Variants in SH3TC2 observed in about 807,000 individuals in gnomAD.
SH3TC2 encodes the protein SH3 domain and tetratricopeptide repeat-containing protein 2.
SH3TC2 carries 87 observed loss-of-function variants against 124.5 expected under a neutral mutation model. That is an observed-to-expected ratio of 0.70 (90% CI 0.59 to 0.84). The LOEUF (loss-of-function observed/expected upper bound fraction) is 0.84. Among genes scored for constraint, SH3TC2 ranks in the 40% least tolerant of loss-of-function variants. SH3TC2 has a pLI of 0.00. For missense variants in SH3TC2, 1,536 were observed against 1,566.4 expected (o/e 0.98, Z 0.33); for synonymous variants, 634 against 628.5 (o/e 1.01, Z -0.13).
chr5:149,001,198 A>T lies in SH3TC2; in HGVS notation c.*3513T>A, dbSNP rs1341973909. On this transcript the variant is annotated 3_prime_UTR_variant, in exon 17 of 17. Coordinates refer to ENST00000515425, the MANE Select transcript of SH3TC2 (RefSeq NM_024577.4). ...CACACACACATACATATATATACAC[A>T]TGCACAATATAAAGGCATCTTAAAA... is the stretch of plus-strand genomic sequence containing the variant. The T allele has an allele frequency of 6.6e-6, 1 of 152,216 alleles. No homozygotes were observed. Among genetic ancestry groups the T allele is most frequent in the Non-Finnish European group, 1.5e-5 (1 of 68,036 alleles). 9.4% of individuals were successfully genotyped at this position (152,216 alleles called of 1,614,324 possible). A position where few individuals can be genotyped will look rare whatever the true frequency, so the allele number is the denominator to read the frequency against.
chr5:149,008,911 C>T lies in SH3TC2; in HGVS notation c.3418G>A (p.Glu1140Lys), dbSNP rs567467816. 9.3e-6 allele frequency: 15 copies of T among 1,614,190 alleles called. No homozygotes were observed. Among genetic ancestry groups the T allele is most frequent in the Middle Eastern group, 1.7e-4 (1 of 6,060 alleles). ...NKLTELQISL[E>K]GYEKALEFAT... ...AATTCCAAAGCCTTCTCATAGCCTT[C>T]GAGGCTAATCTGCAGCTCTGTCAGC... The change falls in exon 15 of 17, where the codon GAA becomes AAA. Residue 1140 changes from glutamate (E) to lysine (K), a missense_variant. By Grantham distance (56) the Glu-to-Lys change is moderately conservative (BLOSUM62 1). Transcript: ENST00000515425.
chr5:149,055,241 C>T (rs1754626866), intron 1 of SH3TC2, among the ~76,000 whole-genome samples: 1 of 151,954 alleles, frequency 6.6e-6, no homozygotes, highest in African/African-American at 2.4e-5. Context: ...AAGCAAGTGA[C>T]AGAGTACAAG....
rs1753294487 is a variant in SH3TC2 at position 148,983,995 on chromosome 5, A to C, written c.*20716T>G. 6.6e-6 allele frequency among the ~76,000 whole-genome samples: 1 copy of C among 152,216 alleles called. No homozygotes were observed. The highest frequency in any genetic ancestry group is 6.5e-5 in the Admixed American group (1 of 15,280). On this transcript the variant is annotated 3_prime_UTR_variant, in exon 17 of 17. Transcript: ENST00000515425. Reference sequence around the variant, plus strand: ...CCAATACATTTTTTTAAAATTACTTAAGCCAGTTTGAGTTTCACCTTCTGT... The same window carrying C: ...CCAATACATTTTTTTAAAATTACTTCAGCCAGTTTGAGTTTCACCTTCTGT...
At chr5:149,032,944 C>T (rs1196406678) in intron 8 of SH3TC2, among the ~76,000 whole-genome samples, 1 of 152,172 alleles carries the variant, frequency 6.6e-6, no homozygotes, top group African/African-American at 2.4e-5. Flanking sequence ...TAATTGAAAT[C>T]TACAACTAAA....
chr5:149,010,830 C>T (rs1489219748), intron 13 of SH3TC2, among the ~76,000 whole-genome samples: 1 of 152,092 alleles, frequency 6.6e-6, no homozygotes, highest in African/African-American at 2.4e-5. Flanking sequence ...ATGTATATAG[C>T]AAAACTATGA....
rs753867645 is a variant in SH3TC2 at position 149,016,924 on chromosome 5, C to CAA, written c.3054-4192_3054-4191dup. On this transcript the variant is annotated intron_variant, in intron 12 of 16. Transcript: ENST00000515425. ...TGGGTAACAGGGCGAGACTCCGTCT[C>CAA]AAAAAAAAAAAAAAAAAAAGAATAA... 7.4e-4 allele frequency among the ~76,000 whole-genome samples: 69 copies of CAA among 92,904 alleles called. 1 individual carries two copies. Among genetic ancestry groups the CAA allele is most frequent in the African/African-American group, 2.4e-3 (60 of 24,966 alleles). 60.9% of individuals were successfully genotyped at this position (92,904 alleles called of 152,430 possible).
intron 16 of SH3TC2, among the ~76,000 whole-genome samples, chr5:149,005,406 T>C (rs1753670681): frequency 6.6e-6 from 1 of 152,210 alleles, no homozygotes; most frequent in African/African-American, 2.4e-5. Flanking sequence ...TGATGATGAT[T>C]GAGAAACAGG....
chr5:149,044,654 A>G lies in SH3TC2; in HGVS notation c.280-16T>C. ...CTGAGAGGTCCTACGTAAAGGAAAC[A>G]ATGAGTCAGCCTGGGATGACAGAAG... On this transcript the variant is annotated splice_polypyrimidine_tract_variant and intron_variant, in intron 3 of 16. Coordinates refer to ENST00000515425, the MANE Select transcript of SH3TC2 (RefSeq NM_024577.4). 1 of 1,598,652 alleles carries G rather than the reference A, an allele frequency of 6.3e-7. No homozygotes were observed. Among genetic ancestry groups the G allele is most frequent in the South Asian group, 1.1e-5 (1 of 90,754 alleles).
rs576603552 is a variant in SH3TC2 at position 149,025,336 on chromosome 5, G to C, written c.3053+1236C>G. On this transcript the variant is annotated intron_variant, in intron 12 of 16. Coordinates refer to ENST00000515425, the MANE Select transcript of SH3TC2 (RefSeq NM_024577.4). ...AAGACAGACTGGAAGAGAAAGAGAA[G>C]GGGGAGTGGAATTCATTATCTGATT... Among the ~76,000 whole-genome samples the C allele has an allele frequency of 6.6e-5, 10 of 152,294 alleles. No individual in the cohort carries two copies. In the East Asian group the frequency reaches 1.9e-3, roughly 29 times the overall value.
At chr5:149,054,574 C>G (rs973549964) in intron 1 of SH3TC2, among the ~76,000 whole-genome samples, 1 of 152,128 alleles carries the variant, frequency 6.6e-6, no homozygotes, top group African/African-American at 2.4e-5. Flanking sequence ...TTTTCTGGCC[C>G]ACACAGTGAA....
rs36077 is a variant in SH3TC2, at chr5:149,052,401, G to A, written c.53-161C>T. Reference sequence around the variant, plus strand: ...CCATTGCCTTGTAATTATCTAAGCTGTTATCAAAGAACTGTCATACATGCC... The same window carrying A: ...CCATTGCCTTGTAATTATCTAAGCTATTATCAAAGAACTGTCATACATGCC... On this transcript the variant is annotated intron_variant, in intron 1 of 16. Transcript: ENST00000515425. Among the ~76,000 whole-genome samples, 79,463 of 152,088 alleles carry A rather than the reference G, an allele frequency of 0.52. 21,900 individuals carry two copies. Among genetic ancestry groups the A allele is most frequent in the African/African-American group, 0.69 (28,684 of 41,500 alleles).
At chr5:149,033,974 C>T (rs1159299704) in intron 8 of SH3TC2, among the ~76,000 whole-genome samples, 1 of 151,876 alleles carries the variant, frequency 6.6e-6, no homozygotes, top group Admixed American at 6.6e-5. Flanking sequence ...AAATACAAAC[C>T]ATGCAATAAA....
chr5:149,060,062 T>C (rs1233033254), intron 1 of SH3TC2, among the ~76,000 whole-genome samples: 1 of 152,212 alleles, frequency 6.6e-6, no homozygotes, highest in Non-Finnish European at 1.5e-5. Context: ...CCTGTTATTA[T>C]ACTGATGATT....
intron 16 of SH3TC2, chr5:149,006,387 A>T: frequency 5.5e-6 from 1 of 181,624 alleles, no homozygotes; most frequent in Non-Finnish European, 1.2e-5. Context: ...CAAACATGTT[A>T]ATATGCACCC....
intron 8 of SH3TC2, among the ~76,000 whole-genome samples, chr5:149,032,004 C>T (rs1463425944): frequency 6.6e-6 from 1 of 152,270 alleles, no homozygotes; most frequent in East Asian, 1.9e-4. Context: ...TCTACCCATT[C>T]TTTGAGACAC....
rs535181061 is a variant in SH3TC2, at chr5:148,988,441, C to T, written c.*16270G>A. ...TAGCAGATGTGACACTGTGTGACTT[C>T]TGAGGCCAGGTCATAGGAAGCTTTG... On this transcript the variant is annotated 3_prime_UTR_variant, in exon 17 of 17. Transcript: ENST00000515425. 6.6e-6 allele frequency among the ~76,000 whole-genome samples: 1 copy of T among 152,346 alleles called. No individual in the cohort carries two copies. The highest frequency in any genetic ancestry group is 2.1e-4 in the South Asian group (1 of 4,832).
chr5:149,052,220 C>T lies in SH3TC2; in HGVS notation c.73G>A (p.Asp25Asn). 1 of 1,612,880 alleles carries T rather than the reference C, an allele frequency of 6.2e-7. No individual in the cohort carries two copies. Among genetic ancestry groups the T allele is most frequent in the Non-Finnish European group, 8.5e-7 (1 of 1,179,016 alleles). The change falls in exon 2 of 17, where the codon GAT becomes AAT. Residue 25 changes from aspartate to asparagine, a missense_variant. Asp to Asn is a conservative substitution (Grantham distance 23). Transcript: ENST00000515425. ...ATACACTCACTCGATACAGTTGGATCCTTGGAAGGAGTTTCTTTACCTGGA... is the reference window on the plus strand; with the variant it reads ...ATACACTCACTCGATACAGTTGGATTCTTGGAAGGAGTTTCTTTACCTGGA... The part of the protein sequence containing the change: ...RGPGKETPSK[D>N]PTVSSECIAS...
chr5:149,024,252 G>A lies in SH3TC2; in HGVS notation c.3053+2320C>T, dbSNP rs1754026220. On this transcript the variant is annotated intron_variant, in intron 12 of 16. Transcript: ENST00000515425. ...GTCAGCATATAGCTTCAGCTCAAGGGCTGTGAGCTAGTGAACTAAGTTACT... is the reference window on the plus strand; with the variant it reads ...GTCAGCATATAGCTTCAGCTCAAGGACTGTGAGCTAGTGAACTAAGTTACT... 2.0e-5 allele frequency among the ~76,000 whole-genome samples: 3 copies of A among 152,278 alleles called. No individual in the cohort carries two copies. In the South Asian group the frequency reaches 6.2e-4, roughly 32 times the overall value.
intron 12 of SH3TC2, among the ~76,000 whole-genome samples, chr5:149,018,538 G>A (rs1187685458): frequency 1.3e-5 from 2 of 152,178 alleles, no homozygotes; most frequent in Non-Finnish European, 2.9e-5. Context: ...AGGGTTTCCT[G>A]TTATAAAACC....
Sources: gnomAD v4.1 joint callset for allele counts (sites outside exome capture counted in the v4.1 genomes callset) on GRCh38, gnomAD v4.1.1 for gene constraint, MANE v1.5 for transcripts, NCBI Gene and HGNC (gene_info 2026-07-23, HGNC 2026-07-21) for gene names.